The following ASAP1 variants were observed in gnomAD, a reference collection of about 807,000 sequenced individuals.
ASAP1 encodes the protein arf-GAP with SH3 domain, ANK repeat and PH domain-containing protein 1.
A neutral mutation model predicts 145.2 loss-of-function variants in ASAP1; 43 were observed. The ratio of observed to expected loss-of-function variants is 0.30; its 90% CI spans 0.23 to 0.38. The LOEUF is 0.38. Ranked by LOEUF, ASAP1 falls within the 10% of genes least tolerant of loss-of-function variation. ASAP1 has a pLI of 1.00. For synonymous variants in ASAP1, 546 were observed against 515.5 expected (o/e 1.06, Z -0.80); for missense variants, 1,018 against 1,355.3 (o/e 0.75, Z 3.91).
intron 3 of ASAP1, among the ~76,000 whole-genome samples, chr8:130,354,664 T>A (rs1270525594): frequency 6.6e-6 from 1 of 152,204 alleles, no homozygotes; most frequent in East Asian, 1.9e-4. Context: ...ATGGCACACA[T>A]CAGTGTGCTT....
intron 24 of ASAP1, among the ~76,000 whole-genome samples, chr8:130,111,129 T>C (rs2097546015): frequency 6.8e-6 from 1 of 147,298 alleles, no homozygotes; most frequent in Non-Finnish European, 1.5e-5. Flanking sequence ...TCCCAGCACC[T>C]TGAGGGGTCA....
intron 3 of ASAP1, among the ~76,000 whole-genome samples, chr8:130,329,514 A>G (rs1348114446): frequency 1.3e-5 from 2 of 152,038 alleles, no homozygotes; most frequent in Non-Finnish European, 2.9e-5. Context: ...CTATAGTCCT[A>G]CAGACGTAGA....
chr8:130,413,231 T>C (rs1829338208), intron 1 of ASAP1, among the ~76,000 whole-genome samples: 1 of 152,218 alleles, frequency 6.6e-6, no homozygotes, highest in South Asian at 2.1e-4. Context: ...AGGTCTCTGC[T>C]GCATGTATTT....
At chr8:130,239,943 T>A (rs560782429) in intron 3 of ASAP1, among the ~76,000 whole-genome samples, 1 of 152,234 alleles carries the variant, frequency 6.6e-6, no homozygotes, top group Admixed American at 6.5e-5. Context: ...AATCAACATT[T>A]CTTAATTATT....
intron 3 of ASAP1, among the ~76,000 whole-genome samples, chr8:130,270,702 C>T (rs1236047229): frequency 7.9e-5 from 12 of 152,190 alleles, no homozygotes; most frequent in Admixed American, 7.9e-4. Context: ...CAAAATCTAT[C>T]CTAAACAGAG....
chr8:130,348,313 C>G (rs928696540), intron 3 of ASAP1, among the ~76,000 whole-genome samples: 5 of 152,300 alleles, frequency 3.3e-5, no homozygotes, highest in African/African-American at 9.6e-5. Flanking sequence ...ATAGTTGGTG[C>G]CAAAATGCAG....
chr8:130,186,125 T>C (rs1433826242), intron 7 of ASAP1, among the ~76,000 whole-genome samples: 10 of 152,168 alleles, frequency 6.6e-5, no homozygotes, highest in African/African-American at 2.4e-4. Flanking sequence ...GCAGCGGCAG[T>C]ACTTCGCTTA....
intron 5 of ASAP1, among the ~76,000 whole-genome samples, chr8:130,193,623 ACT>A (rs1815290879): frequency 6.6e-6 from 1 of 152,142 alleles, no homozygotes; most frequent in South Asian, 2.1e-4. Context: ...CCCCTTTTCA[ACT>A]CTTTGTTCCA....
rs561390669 is a variant in ASAP1, at chr8:130,306,107, T to C, written c.186+51910A>G. ...AACTATGAGACCTTCAGCAAGAAGG[T>C]TAACTAGTTAAGCCATAAATTTTTC... On this transcript the variant is annotated intron_variant, in intron 3 of 29. Transcript: ENST00000518721. Among the ~76,000 whole-genome samples, 6 of 152,260 alleles carry C rather than the reference T, an allele frequency of 3.9e-5. No homozygotes were observed. In the South Asian group the frequency reaches 1.2e-3, roughly 32 times the overall value.
chr8:130,102,209 A>G (rs2097529966), intron 24 of ASAP1, among the ~76,000 whole-genome samples: 1 of 152,272 alleles, frequency 6.6e-6, no homozygotes, highest in Admixed American at 6.5e-5. Flanking sequence ...GCTTTCCCCC[A>G]TTCAGGATGA....
At chr8:130,187,147 CTT>C in intron 7 of ASAP1, 87 bp downstream of exon 7, 4 of 1,168,448 alleles carry the variant, frequency 3.4e-6, no homozygotes, top group Non-Finnish European at 4.9e-6. Flanking sequence ...GGGCTCTGTC[CTT>C]TTTCCAGTTA....
chr8:130,284,915 CAG>C (rs1821513451), intron 3 of ASAP1, among the ~76,000 whole-genome samples: 1 of 149,962 alleles, frequency 6.7e-6, no homozygotes, highest in African/African-American at 2.5e-5. Flanking sequence ...GAGAGAGAGA[CAG>C]AGAGACATAC....
intron 3 of ASAP1, among the ~76,000 whole-genome samples, chr8:130,239,467 G>A: frequency 6.6e-6 from 1 of 152,022 alleles, no homozygotes; most frequent in Non-Finnish European, 1.5e-5. Flanking sequence ...TTGAACCCAG[G>A]TCTTTGACAA....
intron 27 of ASAP1, among the ~76,000 whole-genome samples, chr8:130,075,276 G>T (rs769993016): frequency 8.5e-5 from 13 of 152,224 alleles, no homozygotes; most frequent in Non-Finnish European, 1.6e-4. Context: ...GGGAAGTCTT[G>T]CATCTGTTCT....
In ASAP1 at chr8:130,413,910, A is replaced by G. The variant is rs200383209; in HGVS notation, c.-27-11940T>C. ...GATTCATTCATTCATTCATTCATTC[A>G]TTCATTCATTTATGTAACACTCCAA... On this transcript the variant is annotated intron_variant, in intron 1 of 29. Coordinates refer to ENST00000518721, the MANE Select transcript of ASAP1 (RefSeq NM_018482.4). Among the ~76,000 whole-genome samples the G allele has an allele frequency of 3.3e-5, 5 of 152,324 alleles. No individual in the cohort carries two copies. In the East Asian group the frequency reaches 9.6e-4, roughly 29 times the overall value.
At chr8:130,116,508 AT>A (rs2097556229) in intron 22 of ASAP1, among the ~76,000 whole-genome samples, 169 bp downstream of exon 22, 1 of 152,190 alleles carries the variant, frequency 6.6e-6, no homozygotes, top group East Asian at 1.9e-4. Context: ...TGGATGACAA[AT>A]TTATCATTTT....
At chr8:130,377,415 G>A (rs532225665) in intron 2 of ASAP1, among the ~76,000 whole-genome samples, 2 of 152,288 alleles carry the variant, frequency 1.3e-5, no homozygotes, top group Admixed American at 6.5e-5. Flanking sequence ...TGATCGACAA[G>A]CAGACATTGC....
chr8:130,402,679 A>T (rs2138580565), intron 1 of ASAP1, among the ~76,000 whole-genome samples: 1 of 152,188 alleles, frequency 6.6e-6, no homozygotes, highest in South Asian at 2.1e-4. Flanking sequence ...AAACCGAGAG[A>T]CATCTCAGTT....
chr8:130,265,335 C>G (rs1328740795), intron 3 of ASAP1, among the ~76,000 whole-genome samples: 1 of 152,086 alleles, frequency 6.6e-6, no homozygotes, highest in African/African-American at 2.4e-5. Context: ...CTTTGGGAAG[C>G]TGAGATGGGA....
Sources: allele counts gnomAD v4.1 joint callset (sites outside exome capture counted in the v4.1 genomes callset), GRCh38; gene constraint gnomAD v4.1.1; transcripts MANE v1.5; gene names NCBI Gene and HGNC (gene_info 2026-07-23, HGNC 2026-07-21).